Variants in TMEM266 observed in about 807,000 individuals in gnomAD.
TMEM266 encodes the protein Hv1 related protein 1.
A neutral mutation model predicts 50.5 loss-of-function variants in TMEM266; 33 were observed. The ratio of observed to expected loss-of-function variants is 0.65; its 90% CI spans 0.50 to 0.87. The LOEUF (loss-of-function observed/expected upper bound fraction) is 0.87, where lower values mean the gene tolerates loss of function less well. Among genes scored for constraint, TMEM266 ranks in the 40% least tolerant of loss-of-function variants. The pLI is 0.00. For missense variants in TMEM266, 655 were observed against 695.1 expected (o/e 0.94, Z 0.65); for synonymous variants, 310 against 292.3 (o/e 1.06, Z -0.62).
At chr15:76,188,080 T>TC (rs1020679586) in intron 8 of TMEM266, among the ~76,000 whole-genome samples, 17 of 150,698 alleles carry the variant, frequency 1.1e-4, no homozygotes, top group Admixed American at 3.3e-4. Context: ...GAGTATGCCT[T>TC]CCCCCCCCAC....
intron 8 of TMEM266, among the ~76,000 whole-genome samples, chr15:76,183,219 G>A (rs1250216105): frequency 2.2e-5 from 3 of 138,426 alleles, no homozygotes; most frequent in Non-Finnish European, 3.0e-5. Flanking sequence ...GGGTTCAAGC[G>A]ATTCTCCTGC....
intron 4 of TMEM266, among the ~76,000 whole-genome samples, chr15:76,158,310 A>G (rs560934385): frequency 6.6e-6 from 1 of 152,320 alleles, no homozygotes; most frequent in South Asian, 2.1e-4. Context: ...CTTGGTTCCA[A>G]TTAAAGGATC....
chr15:76,173,926 C>T (rs140545407), intron 7 of TMEM266, among the ~76,000 whole-genome samples: 322 of 144,762 alleles, frequency 2.2e-3, no homozygotes, highest in African/African-American at 8.3e-3. Context: ...GGGTGAGACT[C>T]GGTCTCAAAA....
At chr15:76,146,969 A>G (rs1336621539) in intron 3 of TMEM266, among the ~76,000 whole-genome samples, 1 of 152,234 alleles carries the variant, frequency 6.6e-6, no homozygotes, top group African/African-American at 2.4e-5. Flanking sequence ...AGCCTGGAAC[A>G]GGGGTGTTGA....
chr15:76,130,038 A>G (rs1341150978), intron 1 of TMEM266, among the ~76,000 whole-genome samples: 1 of 151,734 alleles, frequency 6.6e-6, no homozygotes, highest in East Asian at 1.9e-4. Context: ...AGCCTGGGCA[A>G]CATACTGAGA....
At chr15:76,155,065 T>A (rs2037905101) in intron 3 of TMEM266, among the ~76,000 whole-genome samples, 2 of 152,258 alleles carry the variant, frequency 1.3e-5, no homozygotes, top group Admixed American at 6.5e-5. Flanking sequence ...TTCCCTCATT[T>A]AACTTTAGTG....
chr15:76,189,646 A>T (rs751444040), intron 8 of TMEM266, among the ~76,000 whole-genome samples: 1 of 152,110 alleles, frequency 6.6e-6, no homozygotes, highest in Non-Finnish European at 1.5e-5. Flanking sequence ...AAAGGTCTGC[A>T]TGCATAATAT....
intron 1 of TMEM266, among the ~76,000 whole-genome samples, chr15:76,099,609 C>G (rs1196706133): frequency 6.6e-6 from 1 of 152,200 alleles, no homozygotes; most frequent in Non-Finnish European, 1.5e-5. Context: ...GTAGCCTGCC[C>G]AGAGTCATAG....
intron 1 of TMEM266, among the ~76,000 whole-genome samples, chr15:76,127,250 A>G (rs1242198317): frequency 6.6e-6 from 1 of 152,024 alleles, no homozygotes; most frequent in East Asian, 1.9e-4. Context: ...TTTGTCAGTC[A>G]TACCTCAGCT....
intron 6 of TMEM266, among the ~76,000 whole-genome samples, chr15:76,170,768 G>A (rs994455055): frequency 2.0e-5 from 3 of 152,200 alleles, no homozygotes; most frequent in African/African-American, 7.2e-5. Context: ...GCTGGAGATG[G>A]GCTGAGGTCA....
rs545690986 is a variant in TMEM266 at position 76,202,223 on chromosome 15, T to C, written c.980T>C (p.Met327Thr). 1.9e-6 allele frequency: 3 copies of C among 1,613,930 alleles called. No individual in the cohort carries two copies. Among genetic ancestry groups the C allele is most frequent in the Non-Finnish European group, 2.5e-6 (3 of 1,179,890 alleles). Residue 327 changes from methionine to threonine, a missense_variant, in exon 10 of 11, where the codon ATG (methionine) becomes ACG (threonine). Met to Thr is a moderately conservative substitution (Grantham distance 81). This residue lies in a region of TMEM266 where 455 missense variants were observed against 401.8 expected (regional missense o/e 1.13). Transcript: ENST00000388942. ...GTAGAAGCCACGATGAAGGACGACA[T>C]GAACAGCTACATCAGTCAGTATTAC...
intron 1 of TMEM266, among the ~76,000 whole-genome samples, chr15:76,129,442 G>A (rs1358306295): frequency 2.6e-5 from 4 of 152,136 alleles, no homozygotes; most frequent in African/African-American, 9.7e-5. Context: ...GGGGGTTCGA[G>A]ACTAGCCTGG....
At chr15:76,110,053 G>A (rs1596110267) in intron 1 of TMEM266, among the ~76,000 whole-genome samples, 1 of 151,990 alleles carries the variant, frequency 6.6e-6, no homozygotes, top group African/African-American at 2.4e-5. Context: ...AGGCTGGAGT[G>A]CAATGGCGCG....
chr15:76,192,207 CCTCGCCTCCCT>C, intron 9 of TMEM266, 50 bp downstream of exon 9: 1 of 1,381,570 alleles, frequency 7.2e-7, no homozygotes, highest in African/African-American at 1.5e-5. Context: ...CGGGGATCCC[CCTCGCCTCCCT>C]CTCGCGCCCC....
chr15:76,092,671 C>T (rs2036864680), intron 1 of TMEM266, among the ~76,000 whole-genome samples: 1 of 151,392 alleles, frequency 6.6e-6, no homozygotes, highest in East Asian at 1.9e-4. Context: ...GCCTGGGCAA[C>T]AGAGCAAGAC....
chr15:76,161,693 G>A lies in TMEM266; in HGVS notation c.456+1525G>A, dbSNP rs1003646302. On this transcript the variant is annotated intron_variant, in intron 5 of 10. Coordinates refer to ENST00000388942, the MANE Select transcript of TMEM266 (RefSeq NM_152335.3). This position sits in a 1 kb window ranked among gnomAD's most constrained non-coding sequence, Gnocchi z 4.1. ...TCGCAGCACTGCCCTCCCAGAAGGG[G>A]TCCTAACCACCTCCCTGAGACCATT... 6.6e-6 allele frequency among the ~76,000 whole-genome samples: 1 copy of A among 152,174 alleles called. No homozygotes were observed. The highest frequency in any genetic ancestry group is 1.5e-5 in the Non-Finnish European group (1 of 68,026).
At chr15:76,179,412 T>C (rs2038359150) in intron 8 of TMEM266, among the ~76,000 whole-genome samples, 1 of 152,178 alleles carries the variant, frequency 6.6e-6, no homozygotes, top group South Asian at 2.1e-4. Context: ...ATAAGAAAAC[T>C]GAGCAGTGGC....
At chr15:76,166,818 CAG>C (rs2038104629) in intron 5 of TMEM266, among the ~76,000 whole-genome samples, 1 of 152,182 alleles carries the variant, frequency 6.6e-6, no homozygotes, top group Non-Finnish European at 1.5e-5. Flanking sequence ...TCAGCGGGTA[CAG>C]AGTTTCAGTT....
At chr15:76,111,137 A>G (rs1219832625) in intron 1 of TMEM266, among the ~76,000 whole-genome samples, 1 of 151,746 alleles carries the variant, frequency 6.6e-6, no homozygotes, top group Non-Finnish European at 1.5e-5. Context: ...CTGGAGTGCA[A>G]TGGCACGGTC....
Sources: gnomAD v4.1 joint callset for allele counts (sites outside exome capture counted in the v4.1 genomes callset) on GRCh38, gnomAD v4.1.1 for gene constraint, gnomAD v4.1.1 regional missense constraint, Gnocchi (gnomAD v3.1) non-coding constraint, MANE v1.5 for transcripts, NCBI Gene and HGNC (gene_info 2026-07-23, HGNC 2026-07-21) for gene names.